Variants in THRB observed in about 807,000 individuals in gnomAD.
THRB encodes thyroid hormone receptor beta, also known as nuclear receptor subfamily 1 group A member 2.
In THRB, 12 loss-of-function variants were observed where a neutral mutation model predicts 47.8. The observed-to-expected ratio is 0.25, with a 90% CI of 0.16 to 0.41. The LOEUF (loss-of-function observed/expected upper bound fraction) is 0.41. Ranked by LOEUF, THRB falls within the 10% of genes least tolerant of loss-of-function variation. The pLI is 1.00. For synonymous variants in THRB, 218 were observed against 212.2 expected (o/e 1.03, Z -0.24); for missense variants, 348 against 589.2 (o/e 0.59, Z 4.24).
chr3:24,192,082 A>C (rs541862128), intron 4 of THRB, among the ~76,000 whole-genome samples: 7 of 152,314 alleles, frequency 4.6e-5, no homozygotes, highest in African/African-American at 1.4e-4. Flanking sequence ...ATTGCATGGT[A>C]AATCAAAAAG....
intron 1 of THRB, among the ~76,000 whole-genome samples, chr3:24,463,913 G>A (rs2073908428): frequency 6.6e-6 from 1 of 152,216 alleles, no homozygotes; most frequent in African/African-American, 2.4e-5. Flanking sequence ...CCCTTTGTAA[G>A]AGTTATCGAC....
At chr3:24,222,853 G>A (rs2047294670) in intron 4 of THRB, among the ~76,000 whole-genome samples, 1 of 152,196 alleles carries the variant, frequency 6.6e-6, no homozygotes, top group Admixed American at 6.5e-5. Flanking sequence ...ATTCATGGCA[G>A]CATTCGTAAT....
intron 4 of THRB, among the ~76,000 whole-genome samples, chr3:24,197,351 G>A (rs1471959550): frequency 1.3e-5 from 2 of 152,176 alleles, no homozygotes; most frequent in Non-Finnish European, 2.9e-5. Context: ...TATGGGCTCT[G>A]CTTGCCAAGG....
chr3:24,425,284 GT>G (rs1187540829), intron 1 of THRB, among the ~76,000 whole-genome samples: 1 of 151,748 alleles, frequency 6.6e-6, no homozygotes, highest in Non-Finnish European at 1.5e-5. Context: ...TATATTACTA[GT>G]TTGTTTAATC....
intron 1 of THRB, among the ~76,000 whole-genome samples, chr3:24,390,297 T>C (rs1475298150): frequency 6.6e-6 from 1 of 152,178 alleles, no homozygotes; most frequent in Non-Finnish European, 1.5e-5. Context: ...TTTAGGTATA[T>C]TCACCGGAGC....
At chr3:24,400,877 C>T (rs2067334585) in intron 1 of THRB, among the ~76,000 whole-genome samples, 1 of 152,066 alleles carries the variant, frequency 6.6e-6, no homozygotes, top group African/African-American at 2.4e-5. Flanking sequence ...AAGTCCAACA[C>T]TTTCCACAAC....
chr3:24,384,933 C>T (rs1344619431), intron 1 of THRB, among the ~76,000 whole-genome samples: 1 of 152,000 alleles, frequency 6.6e-6, no homozygotes, highest in Non-Finnish European at 1.5e-5. Context: ...AGGTACACAC[C>T]CATGGGAAAA....
chr3:24,158,906 G>A (rs2149204027), intron 5 of THRB, among the ~76,000 whole-genome samples: 1 of 151,912 alleles, frequency 6.6e-6, no homozygotes, highest in South Asian at 2.1e-4. Context: ...GTAGAACCCT[G>A]GTATTGATGA....
intron 1 of THRB, among the ~76,000 whole-genome samples, chr3:24,472,428 C>T (rs936649176): frequency 3.9e-5 from 6 of 152,156 alleles, no homozygotes; most frequent in African/African-American, 1.4e-4. Context: ...TCCCCTAAGG[C>T]GTGAAGACTC....
chr3:24,268,982 C>T (rs1454907608), intron 3 of THRB, among the ~76,000 whole-genome samples: 1 of 152,142 alleles, frequency 6.6e-6, no homozygotes, highest in East Asian at 1.9e-4. Context: ...CACCATTAGC[C>T]ATACAGGCAA....
At position 24,143,711 on chromosome 3, in the gene THRB, GA is replaced by G; in HGVS notation, c.533-6del. Reference sequence around the variant, plus strand: ...TCTTGCTGTCATCCAGCACCACTGGGAGGGGGAGAAAGATGAGACAAGGCAC... The same window carrying G: ...TCTTGCTGTCATCCAGCACCACTGGGGGGGGAGAAAGATGAGACAAGGCAC... On this transcript the variant is annotated splice_polypyrimidine_tract_variant and splice_region_variant and intron_variant, in intron 7 of 10. Coordinates refer to ENST00000646209, the MANE Select transcript of THRB (RefSeq NM_001354712.2). 1 of 1,614,052 alleles carries G rather than the reference GA, an allele frequency of 6.2e-7. No homozygotes were observed. Among genetic ancestry groups the G allele is most frequent in the South Asian group, 1.1e-5 (1 of 91,084 alleles).
chr3:24,217,360 A>C (rs924865825), intron 4 of THRB, among the ~76,000 whole-genome samples: 1 of 152,120 alleles, frequency 6.6e-6, no homozygotes, highest in Non-Finnish European at 1.5e-5. Context: ...TTTTCTATAC[A>C]TCTGTATAGC....
At chr3:24,170,581 C>T (rs1270839474) in intron 5 of THRB, among the ~76,000 whole-genome samples, 2 of 152,198 alleles carry the variant, frequency 1.3e-5, no homozygotes, top group African/African-American at 2.4e-5. Context: ...ACCAAAATAG[C>T]ATCCTTATTA....
rs772296952 is a variant in THRB, at chr3:24,323,113, C to T, written c.-189+14187G>A. 4.6e-5 allele frequency among the ~76,000 whole-genome samples: 7 copies of T among 152,232 alleles called. No individual in the cohort carries two copies. The South Asian group carries it at 8.3e-4, about 18-fold the overall frequency. On this transcript the variant is annotated intron_variant, in intron 2 of 10. Coordinates refer to ENST00000646209, the MANE Select transcript of THRB (RefSeq NM_001354712.2). ...GGGTTTCCATAAAGTGATGTCATTC[C>T]GTTGAGCTTTAAGTGGCCCACAGAT... is the stretch of plus-strand genomic sequence containing the variant.
intron 1 of THRB, among the ~76,000 whole-genome samples, chr3:24,340,921 T>A (rs2062597327): frequency 6.6e-6 from 1 of 152,164 alleles, no homozygotes; most frequent in Non-Finnish European, 1.5e-5. Context: ...TAAACATTAT[T>A]TGTATTTCTT....
At chr3:24,234,976 G>A (rs536447721) in intron 3 of THRB, among the ~76,000 whole-genome samples, 11 of 152,304 alleles carry the variant, frequency 7.2e-5, no homozygotes, top group South Asian at 6.2e-4. Flanking sequence ...GGGGAGCCAC[G>A]GAAGGTCTTT....
chr3:24,387,619 G>A (rs1156242124), intron 1 of THRB, among the ~76,000 whole-genome samples: 2 of 152,140 alleles, frequency 1.3e-5, no homozygotes, highest in South Asian at 2.1e-4. Flanking sequence ...TGAGTAGCTT[G>A]GTGCCTGGCA....
intron 1 of THRB, among the ~76,000 whole-genome samples, chr3:24,490,840 T>C (rs114302063): frequency 3.5e-3 from 532 of 152,304 alleles, no homozygotes; most frequent in African/African-American, 0.012. Context: ...GAATCTCCAC[T>C]GATAGGCCAT....
At chr3:24,170,440 A>C (rs770258375) in intron 5 of THRB, among the ~76,000 whole-genome samples, 14 of 152,202 alleles carry the variant, frequency 9.2e-5, no homozygotes, top group Non-Finnish European at 1.8e-4. Context: ...TACAGGCTGC[A>C]AATCAGATAA....
Sources: allele counts gnomAD v4.1 joint callset (sites outside exome capture counted in the v4.1 genomes callset), GRCh38; gene constraint gnomAD v4.1.1; transcripts MANE v1.5; gene names NCBI Gene and HGNC (gene_info 2026-07-23, HGNC 2026-07-21).